Variants in SLC5A9 observed in about 807,000 individuals in gnomAD.
SLC5A9 encodes solute carrier family 5 member 9.
Under a neutral mutation model 70.9 loss-of-function variants are expected in SLC5A9, and 59 were observed. The observed-to-expected ratio is 0.83, with a 90% CI of 0.68 to 1.03. The LOEUF is 1.03. Ranked by LOEUF, SLC5A9 falls within the 50% of genes least tolerant of loss-of-function variation. The probability of loss-of-function intolerance (pLI) is 0.00; values close to 1 mark genes in which losing one functional copy is unlikely to be tolerated. For synonymous variants in SLC5A9, 340 were observed against 346.5 expected, an observed-to-expected ratio of 0.98 and a Z score of 0.21; for missense variants, 832 against 881.1, an observed-to-expected ratio of 0.94 and a Z score of 0.71.
At chr1:48,223,515 G>T (rs1644101130) in intron 1 of SLC5A9, among the ~76,000 whole-genome samples, 1 of 152,158 alleles carries the variant, frequency 6.6e-6, no homozygotes, top group Non-Finnish European at 1.5e-5. Flanking sequence ...TGAACAATGA[G>T]AATAAGGACT....
chr1:48,235,628 C>T, intron 9 of SLC5A9, 101 bp from the exon 10 acceptor site: 1 of 1,416,890 alleles, frequency 7.1e-7, no homozygotes, highest in Non-Finnish European at 9.7e-7. Context: ...TCATCCCCAC[C>T]CCCAGCTCCT....
At position 48,244,872 on chromosome 1, in the gene SLC5A9, G is replaced by GTGTATATATA. The variant is rs1553132185; in HGVS notation, c.1837+2257_1837+2258insGTATATATAT. Among the ~76,000 whole-genome samples the GTGTATATATA allele has an allele frequency of 4.3e-4, 4 of 9,308 alleles. 1 individual carries two copies. The highest frequency in any genetic ancestry group is 8.5e-4 in the African/African-American group (4 of 4,690). The allele number at this position is 9,308 out of a possible 152,430, so 6.1% of individuals were successfully genotyped here. ...AAAACCTGTGTGTGTGTATGTATGT[G>GTGTATATATA]TATGTGTATATATATATATATATAT... On this transcript the variant is annotated intron_variant, in intron 13 of 13. Transcript: ENST00000438567.
chr1:48,225,188 C>A (rs916296797), intron 2 of SLC5A9, among the ~76,000 whole-genome samples: 3 of 152,156 alleles, frequency 2.0e-5, no homozygotes, highest in African/African-American at 7.2e-5. Flanking sequence ...GACCACCAGA[C>A]AGTGGAGTCA....
chr1:48,229,211 G>GCTT, intron 3 of SLC5A9, 84 bp from the exon 4 acceptor site: 1 of 1,614,154 alleles, frequency 6.2e-7, no homozygotes, highest in Non-Finnish European at 8.5e-7. Context: ...GCCTCCCACA[G>GCTT]CACAGCACTG....
Position 48,247,693 on chromosome 1 carries a change from G to A in SLC5A9, c.*150G>A. The A allele has an allele frequency of 1.4e-6, 1 of 726,868 alleles. No homozygotes were observed. The highest frequency in any genetic ancestry group is 2.3e-6 in the Non-Finnish European group (1 of 432,844). The allele number at this position is 726,868 out of a possible 1,614,324, so 45.0% of individuals were successfully genotyped here. ...CCCTGAAGAGAATCCAACTCAACCT[G>A]CACACTTGACAAGTGGAGAAACAGA... On this transcript the variant is annotated 3_prime_UTR_variant, in exon 14 of 14. Coordinates refer to ENST00000438567, the MANE Select transcript of SLC5A9 (RefSeq NM_001011547.3).
chr1:48,244,154 C>T (rs177111), intron 13 of SLC5A9, among the ~76,000 whole-genome samples: 149,461 of 152,332 alleles, frequency 0.98, 73,328 homozygotes, highest in East Asian at 1. Flanking sequence ...AGTGCCTGGA[C>T]GGAGTTAGGG....
chr1:48,235,716 C>T lies in SLC5A9; in HGVS notation c.1142-13C>T, dbSNP rs746652199. 7 of 1,614,092 alleles carry T rather than the reference C, an allele frequency of 4.3e-6. No individual in the cohort carries two copies. The highest frequency in any genetic ancestry group is 3.3e-5 in the Admixed American group (2 of 60,026). On this transcript the variant is annotated splice_polypyrimidine_tract_variant and intron_variant, in intron 9 of 13. Transcript: ENST00000438567. The stretch of plus-strand genomic sequence containing the variant: ...ATGGGCCAGCCGTTCACATGAGCCT[C>T]GTCTCTCCCCAGGTCTGCGGGGGCT...
chr1:48,247,263 C>A, intron 13 of SLC5A9, 72 bp from the exon 14 acceptor site: 1 of 1,408,152 alleles, frequency 7.1e-7, no homozygotes, highest in Non-Finnish European at 9.9e-7. Context: ...ACTCTCCTAT[C>A]ACTTTCCTTT....
intron 9 of SLC5A9, among the ~76,000 whole-genome samples, chr1:48,235,490 G>A (rs1280346938): frequency 6.6e-6 from 1 of 152,116 alleles, no homozygotes; most frequent in African/African-American, 2.4e-5. Flanking sequence ...GGGTGGAGGG[G>A]CAAATGAGTC....
intron 2 of SLC5A9, chr1:48,227,745 C>G (rs751159386): frequency 1.3e-5 from 2 of 152,336 alleles, no homozygotes; most frequent in African/African-American, 2.4e-5. Context: ...CATTCTGTGC[C>G]TTTACACTGC....
chr1:48,228,998 C>T (rs750145966), intron 3 of SLC5A9, 44 bp downstream of exon 3: 42 of 1,613,134 alleles, frequency 2.6e-5, no homozygotes, highest in Non-Finnish European at 3.4e-5. Context: ...GAGGGTCTAA[C>T]CCACCTCTGT....
rs138699577 is a variant in SLC5A9, at chr1:48,247,705, A to G, written c.*162A>G. ...TCCAACTCAACCTGCACACTTGACAAGTGGAGAAACAGAAGCCCAGAGAGA... is the reference window on the plus strand; with the variant it reads ...TCCAACTCAACCTGCACACTTGACAGGTGGAGAAACAGAAGCCCAGAGAGA... On this transcript the variant is annotated 3_prime_UTR_variant, in exon 14 of 14. Coordinates refer to ENST00000438567, the MANE Select transcript of SLC5A9 (RefSeq NM_001011547.3). 323 of 690,944 alleles carry G rather than the reference A, an allele frequency of 4.7e-4. No individual in the cohort carries two copies. The African/African-American group carries it at 5.0e-3, about 11-fold the overall frequency. The allele number at this position is 690,944 out of a possible 1,614,324, so 42.8% of individuals were successfully genotyped here. A position where few individuals can be genotyped will look rare whatever the true frequency, so the allele number is the denominator to read the frequency against.
At position 48,237,788 on chromosome 1, in the gene SLC5A9, G is replaced by A; in HGVS notation, c.1402G>A (p.Ala468Thr). Residue 468 changes from alanine to threonine, a missense_variant, in exon 11 of 14, where the codon GCC becomes ACC. Coordinates refer to ENST00000438567, the MANE Select transcript of SLC5A9 (RefSeq NM_001011547.3). Reference sequence around the variant, plus strand: ...CATCCAGGCTGTCACCAGTTACCTGGCCCCACCCATCACCGCTCTCTTCCT... The same window carrying A: ...CATCCAGGCTGTCACCAGTTACCTGACCCCACCCATCACCGCTCTCTTCCT... ...DYIQAVTSYL[A>T]PPITALFLLA... 3 of 1,614,066 alleles carry A rather than the reference G, an allele frequency of 1.9e-6. No individual in the cohort carries two copies. Among genetic ancestry groups the A allele is most frequent in the South Asian group, 1.1e-5 (1 of 91,064 alleles).
rs575943876 is a variant in SLC5A9, at chr1:48,247,560, T to G, written c.*17T>G. ...TTTGCGTGATTCCACAGACCTGGCT[T>G]CAGTGTAGACAGATTAAACAAAGCC... On this transcript the variant is annotated 3_prime_UTR_variant, in exon 14 of 14. Coordinates refer to ENST00000438567, the MANE Select transcript of SLC5A9 (RefSeq NM_001011547.3). 7.8e-5 allele frequency: 126 copies of G among 1,613,302 alleles called. 2 individuals are homozygous for G. In the South Asian group the frequency reaches 1.3e-3, roughly 16 times the overall value.
At chr1:48,241,978 C>T (rs1352703077) in intron 12 of SLC5A9, 1 of 456,406 alleles carries the variant, frequency 2.2e-6, no homozygotes, top group South Asian at 1.5e-5. Flanking sequence ...TTTACAACAT[C>T]CTCCAGGCTG....
At chr1:48,245,897 G>A (rs1222297821) in intron 13 of SLC5A9, among the ~76,000 whole-genome samples, 1 of 151,742 alleles carries the variant, frequency 6.6e-6, no homozygotes, top group East Asian at 1.9e-4. Flanking sequence ...GGAGGTTGAG[G>A]CTACAGTGAG....
chr1:48,224,852 C>G (rs1257504473), intron 2 of SLC5A9, 57 bp downstream of exon 2: 2 of 1,505,374 alleles, frequency 1.3e-6, no homozygotes, highest in Non-Finnish European at 1.8e-6. Context: ...TTCTTCCTCC[C>G]CACTATCCAA....
intron 13 of SLC5A9, among the ~76,000 whole-genome samples, chr1:48,245,902 A>G (rs2148592148): frequency 6.6e-6 from 1 of 152,120 alleles, no homozygotes. Context: ...TTGAGGCTAC[A>G]GTGAGCCATG....
intron 12 of SLC5A9, 49 bp from the exon 13 acceptor site, chr1:48,242,408 C>T (rs1183656195): frequency 6.5e-7 from 1 of 1,538,434 alleles, no homozygotes; most frequent in African/African-American, 1.4e-5. Flanking sequence ...TCTTCTACAG[C>T]ATGACTTCTC....
Sources: gnomAD v4.1 joint callset for allele counts (sites outside exome capture counted in the v4.1 genomes callset) on GRCh38, gnomAD v4.1.1 for gene constraint, MANE v1.5 for transcripts, NCBI Gene and HGNC (gene_info 2026-07-23, HGNC 2026-07-21) for gene names.